Variants in ATRX observed in about 807,000 individuals in gnomAD.
ATRX encodes chromatin remodeler ATRX.
ATRX carries 12 observed loss-of-function variants against 172.6 expected under a neutral mutation model. The observed-to-expected ratio is 0.07, with a 90% CI of 0.04 to 0.11. ATRX has a LOEUF of 0.11. Ranked by LOEUF, ATRX falls within the 10% of genes least tolerant of loss-of-function variation. The probability of loss-of-function intolerance (pLI) is 1.00; values close to 1 mark genes in which losing one functional copy is unlikely to be tolerated. For synonymous variants in ATRX, 674 were observed against 594.7 expected (o/e 1.13, Z -1.94); for missense variants, 1,368 against 1,767.4 (o/e 0.77, Z 4.05).
chrX:77,688,959 T>G (rs782563707), intron 6 of ATRX, 32 bp from the exon 7 acceptor site: 10 of 1,053,956 alleles, frequency 9.5e-6, no homozygotes, highest in Non-Finnish European at 1.2e-5. Flanking sequence ...TATTCACACA[T>G]TTATACACAG....
chrX:77,519,644 G>T (rs1397071353), intron 34 of ATRX, among the ~76,000 whole-genome samples: 3 of 111,750 alleles, frequency 2.7e-5, no homozygotes, highest in Non-Finnish European at 5.6e-5. Flanking sequence ...TTATCCAAAA[G>T]ACAGGCAATA....
intron 34 of ATRX, among the ~76,000 whole-genome samples, chrX:77,514,911 TAGA>T (rs1557038444): frequency 9.0e-6 from 1 of 111,647 alleles, no homozygotes; most frequent in Non-Finnish European, 1.9e-5. Context: ...TAAAGAAATA[TAGA>T]AGAAAATAAC....
intron 15 of ATRX, among the ~76,000 whole-genome samples, chrX:77,636,468 C>T (rs1282708201): frequency 3.6e-5 from 4 of 111,080 alleles, no homozygotes; most frequent in African/African-American, 9.8e-5. Context: ...GAGGCCTCCC[C>T]GGAAGCAGAA....
intron 27 of ATRX, among the ~76,000 whole-genome samples, chrX:77,589,539 A>G (rs1223683219): frequency 9.0e-6 from 1 of 111,479 alleles, no homozygotes; most frequent in African/African-American, 3.3e-5. Context: ...TCTTGTCACC[A>G]AAAAAAACTA....
chrX:77,521,996 C>T, intron 32 of ATRX: 1 of 314,969 alleles, frequency 3.2e-6, no homozygotes, highest in Non-Finnish European at 5.6e-6. Flanking sequence ...TGCTATTTCC[C>T]AAGCGAGTCA....
intron 30 of ATRX, among the ~76,000 whole-genome samples, chrX:77,538,895 A>ATTT (rs567391617): frequency 1.1e-5 from 1 of 89,360 alleles, no homozygotes; most frequent in Non-Finnish European, 2.3e-5. Flanking sequence ...ACTTTGCTCC[A>ATTT]TTTTTTTTTT....
intron 2 of ATRX, among the ~76,000 whole-genome samples, chrX:77,712,744 G>A (rs1200316011): frequency 3.6e-5 from 4 of 111,586 alleles, no homozygotes; most frequent in Non-Finnish European, 3.8e-5. Context: ...CAGGAGAATC[G>A]CTTGAACCCA....
At chrX:77,760,298 T>C (rs2075668728) in intron 1 of ATRX, among the ~76,000 whole-genome samples, 1 of 106,200 alleles carries the variant, frequency 9.4e-6, no homozygotes, top group Non-Finnish European at 1.9e-5. Context: ...ATATGTACTG[T>C]ATGGTGCCAC....
intron 2 of ATRX, among the ~76,000 whole-genome samples, chrX:77,715,833 A>T (rs2073348898): frequency 9.1e-6 from 1 of 109,536 alleles, no homozygotes; most frequent in African/African-American, 3.3e-5. Context: ...TCCTTCTAGA[A>T]CTCTAATTAC....
At chrX:77,741,372 G>A (rs1028046134) in intron 1 of ATRX, among the ~76,000 whole-genome samples, 1 of 109,406 alleles carries the variant, frequency 9.1e-6, no homozygotes, top group Admixed American at 9.9e-5. Flanking sequence ...TCAGTCATAT[G>A]ATTTGCAAAT....
intron 15 of ATRX, among the ~76,000 whole-genome samples, chrX:77,645,765 G>A (rs782021433): frequency 2.7e-4 from 30 of 111,967 alleles, no homozygotes; most frequent in Non-Finnish European, 5.4e-4. Flanking sequence ...TACCATTCAC[G>A]ACATGTATAA....
Position 77,684,000 on chromosome X carries a change from G to A in ATRX, c.1256C>T (p.Ala419Val), listed in dbSNP as rs374958282. ...TTTCTCTTTGTTTACAGCATCCATC[G>A]CTCGAAACTCGGAATTTAAGTCTTC... ...LEEDLNSEFR[A>V]MDAVNKEKNT... Residue 419 changes from alanine to valine, a missense_variant, in exon 9 of 35, where the codon GCG becomes GTG. Coordinates refer to ENST00000373344, the MANE Select transcript of ATRX (RefSeq NM_000489.6). 9.3e-5 allele frequency: 112 copies of A among 1,205,688 alleles called. No individual in the cohort carries two copies. The highest frequency in any genetic ancestry group is 5.3e-4 in the East Asian group (18 of 33,763).
intron 15 of ATRX, among the ~76,000 whole-genome samples, chrX:77,648,029 C>T (rs2069002190): frequency 1.8e-5 from 2 of 111,317 alleles, no homozygotes; most frequent in Non-Finnish European, 3.8e-5. Context: ...AGAAAATTAC[C>T]AGATAATACA....
chrX:77,643,600 T>C (rs782136312), intron 15 of ATRX, among the ~76,000 whole-genome samples: 41 of 110,866 alleles, frequency 3.7e-4, no homozygotes, highest in Non-Finnish European at 6.8e-4. Context: ...TTTATTTTTG[T>C]AGAAACAGGG....
chrX:77,664,244 GA>G (rs1158693865), intron 11 of ATRX, among the ~76,000 whole-genome samples: 2 of 111,504 alleles, frequency 1.8e-5, no homozygotes, highest in Non-Finnish European at 3.8e-5. Flanking sequence ...AGTATTAAGA[GA>G]TTTTTTTTCT....
In ATRX at chrX:77,555,478, T is replaced by C. The variant is rs782262125; in HGVS notation, c.6699+1973A>G. ...ACCCAAATGCCCATCAATGACAGAC[T>C]GGATAAAGAAAATGTGGCACATACA... On this transcript the variant is annotated intron_variant, in intron 30 of 34. Transcript: ENST00000373344. 8.1e-5 allele frequency among the ~76,000 whole-genome samples: 9 copies of C among 110,941 alleles called. No homozygotes were observed. The Admixed American group carries it at 8.6e-4, about 11-fold the overall frequency.
intron 15 of ATRX, among the ~76,000 whole-genome samples, chrX:77,640,931 G>A (rs2068623795): frequency 9.0e-6 from 1 of 111,438 alleles, no homozygotes; most frequent in Admixed American, 9.5e-5. Flanking sequence ...AAGAAGCTGT[G>A]AGCTAAACAG....
chrX:77,765,789 TAAAC>T (rs1396502899), intron 1 of ATRX, among the ~76,000 whole-genome samples: 24 of 108,759 alleles, frequency 2.2e-4, no homozygotes, highest in African/African-American at 8.1e-4. Context: ...GGTCAGCAGA[TAAAC>T]AAGTGAACAA....
chrX:77,631,823 G>C (rs1436442709), intron 19 of ATRX, among the ~76,000 whole-genome samples: 1 of 111,534 alleles, frequency 9.0e-6, no homozygotes, highest in African/African-American at 3.3e-5. Flanking sequence ...TACAAATGCA[G>C]TTTGAAGTTA....
Sources: gnomAD v4.1 joint callset for allele counts (sites outside exome capture counted in the v4.1 genomes callset) on GRCh38, gnomAD v4.1.1 for gene constraint, MANE v1.5 for transcripts, NCBI Gene and HGNC (gene_info 2026-07-23, HGNC 2026-07-21) for gene names.